The following PIK3R6 variants were observed in gnomAD, a reference collection of about 807,000 sequenced individuals.
The protein encoded by PIK3R6 is phosphoinositide-3-kinase regulatory subunit 6, also known as phosphoinositide 3-kinase regulatory subunit 6.
In PIK3R6, 91 loss-of-function variants were observed where a neutral mutation model predicts 84.9. The ratio of observed to expected loss-of-function variants is 1.07; its 90% CI spans 0.90 to 1.28. PIK3R6 has a LOEUF of 1.28. PIK3R6 is among the 50% of genes most tolerant of loss of function. PIK3R6 has a pLI of 0.00. For synonymous variants in PIK3R6, 416 were observed against 411.4 expected (o/e 1.01, Z -0.13); for missense variants, 996 against 985.1 (o/e 1.01, Z -0.15).
intron 18 of PIK3R6, among the ~76,000 whole-genome samples, chr17:8,816,271 G>A (rs1035739591): frequency 3.5e-4 from 54 of 152,318 alleles, no homozygotes; most frequent in African/African-American, 6.5e-4. Flanking sequence ...AAACAGGCAT[G>A]CCATTTTCAT....
chr17:8,840,440 GC>G (rs199789304), intron 2 of PIK3R6, among the ~76,000 whole-genome samples: 3 of 127,084 alleles, frequency 2.4e-5, no homozygotes, highest in African/African-American at 8.9e-5. Context: ...AATATATATA[GC>G]CTCCAAATAT....
chr17:8,829,738 G>A lies in PIK3R6; in HGVS notation c.857C>T (p.Thr286Ile). ...CTCCTCACCGGTCCACAAGTGGAAG[G>A]TGATGTAGGGGCTGGGCAGGGGAAT... ...PSIPLPSPYITFHLWTGEEQL... is the reference protein window; with the variant it reads ...PSIPLPSPYIIFHLWTGEEQL... The change falls in exon 10 of 20, where the codon ACC becomes ATC. Residue 286 changes from threonine (T) to isoleucine (I), a missense_variant. By Grantham distance (89) the Thr-to-Ile change is moderately conservative (BLOSUM62 -1). Coordinates refer to ENST00000619866, the MANE Select transcript of PIK3R6 (RefSeq NM_001010855.4). The A allele has an allele frequency of 6.4e-7, 1 of 1,553,820 alleles. No homozygotes were observed. Among genetic ancestry groups the A allele is most frequent in the Non-Finnish European group, 8.7e-7 (1 of 1,148,392 alleles).
rs894374351 is a variant in PIK3R6 at position 8,828,020 on chromosome 17, G to C, written c.1392+92C>G. ...TAAGGATGCTTACTCTAGTCCCTGA[G>C]CCGGGGATGTGGGGGATGCGGGGCT... On this transcript the variant is annotated intron_variant, in intron 12 of 19. Coordinates refer to ENST00000619866, the MANE Select transcript of PIK3R6 (RefSeq NM_001010855.4). The C allele has an allele frequency of 1.3e-5, 17 of 1,332,452 alleles. No homozygotes were observed. In the South Asian group the frequency reaches 1.3e-4, roughly 11 times the overall value. The allele number at this position is 1,332,452 out of a possible 1,614,324, so 82.5% of individuals were successfully genotyped here. A position where few individuals can be genotyped will look rare whatever the true frequency, so the allele number is the denominator to read the frequency against.
chr17:8,857,444 G>A (rs2089168352), intron 1 of PIK3R6, among the ~76,000 whole-genome samples: 1 of 148,658 alleles, frequency 6.7e-6, no homozygotes, highest in Admixed American at 6.8e-5. Flanking sequence ...TTTCCCCTCT[G>A]TAAACCTCAC....
At chr17:8,831,328 T>TA (rs60650147) in intron 9 of PIK3R6, among the ~76,000 whole-genome samples, 1,026 of 33,056 alleles carry the variant, frequency 0.031, 177 homozygotes, top group African/African-American at 0.11. Context: ...AGACCCTGTC[T>TA]AAAAAAAAAA....
rs988330953 is a variant in PIK3R6 at position 8,839,526 on chromosome 17, C to T, written c.97+88G>A. 1.1e-5 allele frequency: 12 copies of T among 1,071,996 alleles called. No homozygotes were observed. The African/African-American group carries it at 1.3e-4, about 12-fold the overall frequency. 66.4% of individuals were successfully genotyped at this position (1,071,996 alleles called of 1,614,324 possible). On this transcript the variant is annotated intron_variant, in intron 3 of 19. Transcript: ENST00000619866. This position sits in a 1 kb window ranked among gnomAD's most constrained non-coding sequence, Gnocchi z 4.2. ...GACCCTTGCCCCCTGAGCTCCAGGCCGGGGCTCTTTCCTGTATGCGCGTGT... is the reference window on the plus strand; with the variant it reads ...GACCCTTGCCCCCTGAGCTCCAGGCTGGGGCTCTTTCCTGTATGCGCGTGT...
intron 7 of PIK3R6, among the ~76,000 whole-genome samples, chr17:8,836,114 G>A (rs921439485): frequency 1.3e-5 from 2 of 152,152 alleles, no homozygotes; most frequent in African/African-American, 2.4e-5. Context: ...AAGAGGCTTG[G>A]CGTCCCCCAT....
At position 8,803,668 on chromosome 17, in the gene PIK3R6, A is replaced by C. The variant is rs1655563668; in HGVS notation, c.2109-239T>G. On this transcript the variant is annotated intron_variant, in intron 19 of 19. Coordinates refer to ENST00000619866, the MANE Select transcript of PIK3R6 (RefSeq NM_001010855.4). This position sits in a 1 kb window ranked among gnomAD's most constrained non-coding sequence, Gnocchi z 5.0. ...CTGCGCATGCCTCCCTTACCCAAAC[A>C]CACCTCCCGAGGGGAAGCCAGTAAG... 3 of 549,892 alleles carry C rather than the reference A, an allele frequency of 5.5e-6. No homozygotes were observed. The highest frequency in any genetic ancestry group is 6.8e-5 in the Admixed American group (2 of 29,478). The allele number at this position is 549,892 out of a possible 1,614,324, so 34.1% of individuals were successfully genotyped here. A position where few individuals can be genotyped will look rare whatever the true frequency, so the allele number is the denominator to read the frequency against.
At chr17:8,865,092 G>C (rs1025979437) in intron 1 of PIK3R6, among the ~76,000 whole-genome samples, 1 of 152,178 alleles carries the variant, frequency 6.6e-6, no homozygotes, top group Non-Finnish European at 1.5e-5. Flanking sequence ...GCTGCTCCCT[G>C]TTGTTGGTGT....
chr17:8,812,659 G>C (rs1306611586), intron 18 of PIK3R6, among the ~76,000 whole-genome samples: 1 of 152,076 alleles, frequency 6.6e-6, no homozygotes, highest in East Asian at 1.9e-4. Flanking sequence ...AATGATTGTT[G>C]CATCAATGAT....
Position 8,839,603 on chromosome 17 carries a change from C to A in PIK3R6, c.97+11G>T. On this transcript the variant is annotated intron_variant, in intron 3 of 19. Coordinates refer to ENST00000619866, the MANE Select transcript of PIK3R6 (RefSeq NM_001010855.4). The surrounding 1 kb of genome is among the most constrained non-coding windows in gnomAD (Gnocchi z 4.2). ...CAGAGGGACCAGCTGCTGCTGCCAG[C>A]TGGCTCTTACCTTGGTTGCTCTGCA... The A allele has an allele frequency of 6.4e-7, 1 of 1,560,326 alleles. No individual in the cohort carries two copies. Among genetic ancestry groups the A allele is most frequent in the Non-Finnish European group, 8.7e-7 (1 of 1,151,744 alleles).
At chr17:8,824,181 A>C (rs1022139487) in intron 13 of PIK3R6, among the ~76,000 whole-genome samples, 2 of 152,258 alleles carry the variant, frequency 1.3e-5, no homozygotes, top group Non-Finnish European at 2.9e-5. Flanking sequence ...AGGCAGGAGA[A>C]TCGTTTGAAT....
At chr17:8,834,271 T>A (rs879880240) in intron 8 of PIK3R6, among the ~76,000 whole-genome samples, 1 of 151,612 alleles carries the variant, frequency 6.6e-6, no homozygotes, top group African/African-American at 2.4e-5. Flanking sequence ...GGCATGTGCA[T>A]GTTGGGAGAC....
chr17:8,819,646 C>G (rs2087652844), intron 17 of PIK3R6, among the ~76,000 whole-genome samples: 1 of 144,044 alleles, frequency 6.9e-6, no homozygotes, highest in African/African-American at 2.6e-5. Flanking sequence ...CTTTTACTTT[C>G]TTTTTTTATT....
intron 18 of PIK3R6, among the ~76,000 whole-genome samples, chr17:8,815,064 C>T (rs1179275707): frequency 6.6e-6 from 1 of 152,190 alleles, no homozygotes; most frequent in Non-Finnish European, 1.5e-5. Context: ...ATAGCAGGAA[C>T]ATCCACAAAC....
Position 8,849,797 on chromosome 17 carries a change from G to C in PIK3R6, c.-3C>G. On this transcript the variant is annotated 5_prime_UTR_variant, in exon 2 of 20. Coordinates refer to ENST00000619866, the MANE Select transcript of PIK3R6 (RefSeq NM_001010855.4). The stretch of plus-strand genomic sequence containing the variant: ...CCACACTGACCTGAGCTCTCCATGG[G>C]AGCCTTTGGGTGTAGGAGGAGGAGG... The C allele has an allele frequency of 1.2e-6, 2 of 1,612,156 alleles. No individual in the cohort carries two copies. Among genetic ancestry groups the C allele is most frequent in the Non-Finnish European group, 1.7e-6 (2 of 1,179,038 alleles).
chr17:8,837,010 C>A, intron 5 of PIK3R6, 87 bp from the exon 6 acceptor site: 2 of 1,012,520 alleles, frequency 2.0e-6, no homozygotes, highest in Non-Finnish European at 2.9e-6. Flanking sequence ...GGGGGAGTTT[C>A]CGGGGAGGGG....
intron 3 of PIK3R6, 124 bp from the exon 4 acceptor site, chr17:8,838,779 C>A (rs896640668): frequency 3.6e-6 from 3 of 837,972 alleles, no homozygotes; most frequent in African/African-American, 3.4e-5. Context: ...GGTGTGACCC[C>A]GCCACCAGCG....
At chr17:8,843,637 T>TAA (rs111238957) in intron 2 of PIK3R6, among the ~76,000 whole-genome samples, 20 of 145,922 alleles carry the variant, frequency 1.4e-4, no homozygotes, top group East Asian at 4.0e-4. Context: ...TATAGTGTCT[T>TAA]AAAAAAAAAA....
Sources: gnomAD v4.1 joint callset for allele counts (sites outside exome capture counted in the v4.1 genomes callset) on GRCh38, gnomAD v4.1.1 for gene constraint, Gnocchi (gnomAD v3.1) non-coding constraint, MANE v1.5 for transcripts, NCBI Gene and HGNC (gene_info 2026-07-23, HGNC 2026-07-21) for gene names.